Variants in MYRIP observed in about 807,000 individuals in gnomAD.
The protein encoded by MYRIP is rab effector MyRIP.
MYRIP carries 49 observed loss-of-function variants against 98.0 expected under a neutral mutation model. The ratio of observed to expected loss-of-function variants is 0.50; its 90% CI spans 0.40 to 0.63. The LOEUF (loss-of-function observed/expected upper bound fraction) is 0.63. Ranked by LOEUF, MYRIP falls within the 30% of genes least tolerant of loss-of-function variation. MYRIP has a pLI of 0.00. For missense variants in MYRIP, 1,004 were observed against 1,058.2 expected (o/e 0.95, Z 0.71); for synonymous variants, 404 against 409.5 (o/e 0.99, Z 0.16).
At chr3:39,898,115 C>T (rs1208442521) in intron 1 of MYRIP, among the ~76,000 whole-genome samples, 2 of 152,136 alleles carry the variant, frequency 1.3e-5, no homozygotes, top group African/African-American at 4.8e-5. Flanking sequence ...CTTCCCTTGC[C>T]TTTGCAGTCT....
rs377682853 is a variant in MYRIP at position 40,205,237 on chromosome 3, G to A, written c.1666-4617G>A. Among the ~76,000 whole-genome samples the A allele has an allele frequency of 7.2e-5, 11 of 152,188 alleles. No individual in the cohort carries two copies. In the East Asian group the frequency reaches 9.7e-4, roughly 13 times the overall value. On this transcript the variant is annotated intron_variant, in intron 10 of 16. Coordinates refer to ENST00000302541, the MANE Select transcript of MYRIP (RefSeq NM_015460.4). Reference sequence around the variant, plus strand: ...TTCAATAGAAGGAGAAGTGAAATTCGTCTTTTGAACAGATTCATCTCTAGA... The same window carrying A: ...TTCAATAGAAGGAGAAGTGAAATTCATCTTTTGAACAGATTCATCTCTAGA...
intron 1 of MYRIP, among the ~76,000 whole-genome samples, chr3:39,894,552 A>G (rs1221681124): frequency 1.3e-5 from 2 of 152,182 alleles, no homozygotes; most frequent in African/African-American, 4.8e-5. Flanking sequence ...CTATTTTAAT[A>G]GTGTTGCTGT....
intron 2 of MYRIP, among the ~76,000 whole-genome samples, chr3:39,990,717 C>A (rs775321073): frequency 2.2e-4 from 34 of 152,174 alleles, no homozygotes; most frequent in Admixed American, 1.0e-3. Flanking sequence ...GGATACATTC[C>A]CTTTGCCAAG....
intron 2 of MYRIP, among the ~76,000 whole-genome samples, chr3:40,034,073 A>C (rs553022731): frequency 4.6e-5 from 7 of 152,300 alleles, no homozygotes; most frequent in East Asian, 1.9e-4. Flanking sequence ...AAATTAATTC[A>C]AGATGGATTA....
At chr3:40,163,385 C>G (rs1950437088) in intron 5 of MYRIP, among the ~76,000 whole-genome samples, 1 of 152,186 alleles carries the variant, frequency 6.6e-6, no homozygotes, top group Non-Finnish European at 1.5e-5. Context: ...TATGTGTCAA[C>G]TTGACTTGGG....
intron 3 of MYRIP, among the ~76,000 whole-genome samples, chr3:40,122,843 T>C (rs1486504481): frequency 3.9e-5 from 6 of 152,154 alleles, no homozygotes; most frequent in Non-Finnish European, 8.8e-5. Flanking sequence ...TTTTGTGTAG[T>C]CCTTAAAACC....
chr3:40,029,498 T>G (rs1947211611), intron 2 of MYRIP, among the ~76,000 whole-genome samples: 1 of 152,198 alleles, frequency 6.6e-6, no homozygotes, highest in Admixed American at 6.5e-5. Context: ...GCAAAGATTC[T>G]GGATTGTCAT....
intron 2 of MYRIP, among the ~76,000 whole-genome samples, chr3:39,915,062 CA>C (rs1944120562): frequency 6.6e-6 from 1 of 152,052 alleles, no homozygotes; most frequent in Admixed American, 6.5e-5. Flanking sequence ...AAGGCCTTAA[CA>C]GTAAGTAAAA....
At chr3:39,980,093 G>A (rs1197792254) in intron 2 of MYRIP, among the ~76,000 whole-genome samples, 1 of 152,190 alleles carries the variant, frequency 6.6e-6, no homozygotes, top group Non-Finnish European at 1.5e-5. Flanking sequence ...TGCTGCCTAG[G>A]TTGGGTTCTC....
At chr3:40,170,488 A>G (rs1337096464) in intron 8 of MYRIP, among the ~76,000 whole-genome samples, 1 of 152,202 alleles carries the variant, frequency 6.6e-6, no homozygotes, top group Non-Finnish European at 1.5e-5. Flanking sequence ...CGAGAAAATT[A>G]CCACTGCTGT....
intron 2 of MYRIP, among the ~76,000 whole-genome samples, chr3:39,938,841 T>C (rs774930602): frequency 9.2e-5 from 14 of 152,090 alleles, no homozygotes; most frequent in Non-Finnish European, 1.6e-4. Flanking sequence ...ATGGTGCTAA[T>C]ATAACAGATG....
chr3:40,104,944 A>G (rs190580959), intron 3 of MYRIP, among the ~76,000 whole-genome samples: 2 of 152,010 alleles, frequency 1.3e-5, no homozygotes, highest in Admixed American at 6.6e-5. Context: ...TCTTTTTTTC[A>G]TCCCTCTTCC....
At chr3:39,901,440 C>T (rs1481983690) in intron 2 of MYRIP, among the ~76,000 whole-genome samples, 1 of 152,122 alleles carries the variant, frequency 6.6e-6, no homozygotes, top group South Asian at 2.1e-4. Context: ...GAAGAGGAAA[C>T]TGAAGCCTGA....
intron 8 of MYRIP, among the ~76,000 whole-genome samples, chr3:40,179,453 T>TA (rs1445529405): frequency 1.3e-5 from 2 of 152,148 alleles, no homozygotes; most frequent in Admixed American, 1.3e-4. Flanking sequence ...TTCCGTCCCA[T>TA]AAAAAAGGAC....
At chr3:39,893,174 T>C (rs1005000748) in intron 1 of MYRIP, among the ~76,000 whole-genome samples, 6 of 152,194 alleles carry the variant, frequency 3.9e-5, no homozygotes, top group Non-Finnish European at 7.4e-5. Flanking sequence ...TTTTTATTTT[T>C]TGGCCTTTTC....
intron 12 of MYRIP, among the ~76,000 whole-genome samples, chr3:40,236,236 A>G (rs571436005): frequency 1.3e-5 from 2 of 152,350 alleles, no homozygotes; most frequent in African/African-American, 4.8e-5. Context: ...CTAGGTGTGT[A>G]GTAGGTTATA....
At chr3:40,168,928 C>T (rs558248448) in intron 7 of MYRIP, among the ~76,000 whole-genome samples, 10 of 152,310 alleles carry the variant, frequency 6.6e-5, no homozygotes, top group East Asian at 1.9e-4. Context: ...CTTTTGGTCA[C>T]GATAATTCAC....
chr3:39,815,816 G>T (rs1007065544), intron 1 of MYRIP, among the ~76,000 whole-genome samples: 2 of 151,126 alleles, frequency 1.3e-5, no homozygotes, highest in Non-Finnish European at 2.9e-5. Context: ...AGAGTATGGT[G>T]GTTACTTTAG....
intron 1 of MYRIP, among the ~76,000 whole-genome samples, chr3:39,836,717 C>T (rs760815879): frequency 2.4e-4 from 37 of 152,288 alleles, no homozygotes; most frequent in Non-Finnish European, 3.7e-4. Flanking sequence ...GAATGGCAGC[C>T]GCCACCCTGA....
Sources: allele counts gnomAD v4.1 joint callset (sites outside exome capture counted in the v4.1 genomes callset), GRCh38; gene constraint gnomAD v4.1.1; transcripts MANE v1.5; gene names NCBI Gene and HGNC (gene_info 2026-07-23, HGNC 2026-07-21).